Variants in FRAS1 observed in about 807,000 individuals in gnomAD.
FRAS1 encodes Fraser extracellular matrix complex subunit 1.
FRAS1 carries 290 observed loss-of-function variants against 435.2 expected under a neutral mutation model. The ratio of observed to expected loss-of-function variants is 0.67; its 90% CI spans 0.61 to 0.73. The LOEUF (loss-of-function observed/expected upper bound fraction) is 0.73, where lower values mean the gene tolerates loss of function less well. Among genes scored for constraint, FRAS1 ranks in the 30% least tolerant of loss-of-function variants. The pLI, the probability that FRAS1 is intolerant of heterozygous loss-of-function variation, is 0.00. For missense variants in FRAS1, 4,860 were observed against 5,001.5 expected (o/e 0.97, Z 0.85); for synonymous variants, 1,800 against 1,851.0 (o/e 0.97, Z 0.71).
intron 8 of FRAS1, 148 bp downstream of exon 8, chr4:78,267,083 G>A (rs1726394315): frequency 2.2e-6 from 2 of 917,750 alleles, no homozygotes; most frequent in Non-Finnish European, 3.4e-6. Flanking sequence ...CTGCTTCCTA[G>A]GAAGAAGGGT....
intron 41 of FRAS1, among the ~76,000 whole-genome samples, chr4:78,443,400 G>C (rs1424145618): frequency 6.6e-6 from 1 of 152,176 alleles, no homozygotes; most frequent in Non-Finnish European, 1.5e-5. Context: ...GAACCTAGCT[G>C]ATCAGAAAAA....
chr4:78,333,524 T>C (rs1041644519), intron 19 of FRAS1, 112 bp downstream of exon 19: 1 of 1,140,098 alleles, frequency 8.8e-7, no homozygotes, highest in Non-Finnish European at 1.2e-6. Context: ...GATTCAGCTG[T>C]AAATCCTTGT....
intron 69 of FRAS1, among the ~76,000 whole-genome samples, chr4:78,525,622 G>A (rs1415123005): frequency 6.6e-6 from 1 of 152,228 alleles, no homozygotes; most frequent in African/African-American, 2.4e-5. Flanking sequence ...CAGCATTTAT[G>A]AGAACTGTTC....
intron 71 of FRAS1, among the ~76,000 whole-genome samples, chr4:78,535,237 C>T (rs1188109801): frequency 6.6e-6 from 1 of 152,188 alleles, no homozygotes; most frequent in Non-Finnish European, 1.5e-5. Flanking sequence ...AGATTCCATG[C>T]TTGGCTCAGT....
At chr4:78,103,040 C>A (rs1403699566) in intron 2 of FRAS1, among the ~76,000 whole-genome samples, 1 of 152,176 alleles carries the variant, frequency 6.6e-6, no homozygotes, top group African/African-American at 2.4e-5. Context: ...AAACTGCTTT[C>A]TCTGCCTTTC....
chr4:78,494,718 G>A (rs1182209037), intron 59 of FRAS1, among the ~76,000 whole-genome samples: 1 of 152,062 alleles, frequency 6.6e-6, no homozygotes, highest in African/African-American at 2.4e-5. Context: ...TTTTACCTAT[G>A]CACTCTCAGC....
intron 28 of FRAS1, among the ~76,000 whole-genome samples, chr4:78,386,736 C>T (rs926781662): frequency 2.0e-5 from 3 of 151,960 alleles, no homozygotes; most frequent in African/African-American, 4.8e-5. Flanking sequence ...TATTTGCTTA[C>T]TCAACTTGGT....
intron 9 of FRAS1, among the ~76,000 whole-genome samples, chr4:78,277,961 T>A (rs7686297): frequency 0.3 from 46,200 of 151,598 alleles, 7,378 homozygotes; most frequent in East Asian, 0.38. Flanking sequence ...ACAGGCACCC[T>A]CCACTGCCCC....
chr4:78,102,852 A>G (rs17002939), intron 2 of FRAS1, among the ~76,000 whole-genome samples: 9,493 of 152,220 alleles, frequency 0.062, 809 homozygotes, highest in African/African-American at 0.19. Context: ...CAACTCTCCT[A>G]TTCTTTAAAC....
intron 2 of FRAS1, among the ~76,000 whole-genome samples, chr4:78,096,835 C>T (rs953060679): frequency 1.3e-5 from 2 of 152,214 alleles, no homozygotes; most frequent in Admixed American, 1.3e-4. Context: ...TCTGATACGC[C>T]CTGGAGACAT....
intron 18 of FRAS1, among the ~76,000 whole-genome samples, chr4:78,325,428 C>T (rs1156490103): frequency 6.6e-6 from 1 of 152,196 alleles, no homozygotes; most frequent in Non-Finnish European, 1.5e-5. Flanking sequence ...CAGGAATCTG[C>T]CTGTACAGCT....
intron 26 of FRAS1, among the ~76,000 whole-genome samples, chr4:78,377,484 C>A (rs2110316064): frequency 6.6e-6 from 1 of 152,292 alleles, no homozygotes; most frequent in Admixed American, 6.5e-5. Context: ...TAAAAAGGAG[C>A]ACTACCAACT....
chr4:78,367,097 G>A (rs553126522), intron 22 of FRAS1, among the ~76,000 whole-genome samples: 1 of 152,110 alleles, frequency 6.6e-6, no homozygotes, highest in Non-Finnish European at 1.5e-5. Flanking sequence ...TTCCACGGGG[G>A]AATGAGTACT....
intron 24 of FRAS1, among the ~76,000 whole-genome samples, chr4:78,373,447 T>C (rs919904355): frequency 8.1e-5 from 3 of 37,048 alleles, no homozygotes; most frequent in Non-Finnish European, 2.0e-4. Flanking sequence ...AGCCAAGGAC[T>C]AATAATAATA....
chr4:78,423,161 CTTTT>C (rs1308283196), intron 34 of FRAS1, among the ~76,000 whole-genome samples: 1 of 151,488 alleles, frequency 6.6e-6, no homozygotes, highest in Non-Finnish European at 1.5e-5. Flanking sequence ...CTATTTCTTT[CTTTT>C]CTTTTTCTTT....
At chr4:78,346,188 A>G (rs1730598731) in intron 20 of FRAS1, among the ~76,000 whole-genome samples, 1 of 152,206 alleles carries the variant, frequency 6.6e-6, no homozygotes, top group African/African-American at 2.4e-5. Context: ...CTTACTTTTA[A>G]TAGGTAAAAA....
At chr4:78,138,043 C>A (rs76277645) in intron 2 of FRAS1, among the ~76,000 whole-genome samples, 1 of 152,156 alleles carries the variant, frequency 6.6e-6, no homozygotes, top group Admixed American at 6.5e-5. Context: ...ATCTGAGATG[C>A]GAGCTTCCAA....
At chr4:78,257,909 T>C (rs760668939) in intron 6 of FRAS1, among the ~76,000 whole-genome samples, 6 of 152,208 alleles carry the variant, frequency 3.9e-5, no homozygotes, top group Non-Finnish European at 8.8e-5. Flanking sequence ...CCATAACCCT[T>C]CCACATTTCT....
At chr4:78,321,023 G>A (rs936671886) in intron 18 of FRAS1, among the ~76,000 whole-genome samples, 1 of 152,158 alleles carries the variant, frequency 6.6e-6, no homozygotes, top group Non-Finnish European at 1.5e-5. Context: ...TTACAATTTT[G>A]AGCACCACAT....
Sources: allele counts gnomAD v4.1 joint callset (sites outside exome capture counted in the v4.1 genomes callset), GRCh38; gene constraint gnomAD v4.1.1; transcripts MANE v1.5; gene names NCBI Gene and HGNC (gene_info 2026-07-23, HGNC 2026-07-21).